The following ZC4H2 variants were observed in gnomAD, a reference collection of about 807,000 sequenced individuals.
ZC4H2 encodes zinc finger C4H2 domain-containing protein.
For synonymous variants in ZC4H2, 84 were observed against 66.3 expected (o/e 1.27, Z -1.30); for missense variants, 137 against 173.9 (o/e 0.79, Z 1.19).
At chrX:64,975,073 A>G (rs1931901086) in intron 1 of ZC4H2, among the ~76,000 whole-genome samples, 1 of 109,796 alleles carries the variant, frequency 9.1e-6, no homozygotes, top group Admixed American at 9.7e-5. Flanking sequence ...TTGCAGGCAG[A>G]CCAACAAAAT....
At chrX:64,977,097 G>A (rs1931975530), upstream of ZC4H2, among the ~76,000 whole-genome samples, 1 of 111,921 alleles carries the variant, frequency 8.9e-6, no homozygotes, top group South Asian at 3.8e-4. Flanking sequence ...GGGCAAGGCA[G>A]ATAAATAAAA....
intron 1 of ZC4H2, among the ~76,000 whole-genome samples, chrX:64,985,291 T>G (rs1304124017): frequency 8.9e-6 from 1 of 112,084 alleles, no homozygotes; most frequent in African/African-American, 3.2e-5. Context: ...TCCATAGAGG[T>G]TGAACTAATT....
intron 1 of ZC4H2, among the ~76,000 whole-genome samples, chrX:65,000,948 A>C (rs1390130599): frequency 8.9e-6 from 1 of 111,757 alleles, no homozygotes; most frequent in African/African-American, 3.3e-5. Flanking sequence ...AAAAGACCAA[A>C]CTTATATTTG....
In ZC4H2 at chrX:65,032,816, C is replaced by T. The variant is rs764453129; in HGVS notation, c.-272+1813G>A. ...TTTGGGGGACGGAGTCTTGTTGTGTCGCCTAGATGGAGTGCAATGGTGCCA... is the reference window on the plus strand; with the variant it reads ...TTTGGGGGACGGAGTCTTGTTGTGTTGCCTAGATGGAGTGCAATGGTGCCA... On this transcript the variant is annotated intron_variant, in intron 1 of 4. Coordinates refer to the ZC4H2 transcript ENST00000337990. Among the ~76,000 whole-genome samples the T allele has an allele frequency of 4.8e-5, 5 of 105,263 alleles. 1 individual carries two copies. In the East Asian group the frequency reaches 1.5e-3, roughly 31 times the overall value. The allele number at this position is 105,263 out of a possible 115,157, so 91.4% of individuals were successfully genotyped here.
At chrX:65,032,665 G>T (rs1270550622) in intron 1 of ZC4H2, among the ~76,000 whole-genome samples, 1 of 110,630 alleles carries the variant, frequency 9.0e-6, no homozygotes. Flanking sequence ...GTACTTTTTG[G>T]CTGGTCTGTA....
chrX:64,938,678 CA>C (rs1388583906), intron 1 of ZC4H2, among the ~76,000 whole-genome samples: 3 of 111,695 alleles, frequency 2.7e-5, no homozygotes, highest in Admixed American at 9.5e-5. Context: ...TAACCAATGA[CA>C]AAAAAGTCAC....
chrX:65,024,348 T>G (rs958756980), intron 1 of ZC4H2, among the ~76,000 whole-genome samples: 3 of 111,499 alleles, frequency 2.7e-5, no homozygotes, highest in African/African-American at 9.8e-5. Context: ...ATGGCTATTA[T>G]TAAAGTCAAA....
At chrX:64,926,692 C>A (rs754812879) in intron 1 of ZC4H2, among the ~76,000 whole-genome samples, 1 of 112,256 alleles carries the variant, frequency 8.9e-6, no homozygotes, top group African/African-American at 3.2e-5. Flanking sequence ...CTGCTCATGT[C>A]TTTGGTTCAT....
intron 1 of ZC4H2, among the ~76,000 whole-genome samples, chrX:64,925,616 G>T (rs777854309): frequency 8.9e-6 from 1 of 111,760 alleles, no homozygotes; most frequent in Non-Finnish European, 1.9e-5. Flanking sequence ...GCTTGGATGA[G>T]TCCCTTTTAT....
chrX:64,929,359 T>C (rs1929633734), intron 1 of ZC4H2, among the ~76,000 whole-genome samples: 1 of 111,999 alleles, frequency 8.9e-6, no homozygotes, highest in Admixed American at 9.5e-5. Flanking sequence ...GTACAGAAGA[T>C]TTTTAGTTTA....
chrX:65,004,081 T>G (rs1468949896), intron 1 of ZC4H2, among the ~76,000 whole-genome samples: 1 of 111,349 alleles, frequency 9.0e-6, no homozygotes, highest in African/African-American at 3.3e-5. Flanking sequence ...GTTCTGAAAT[T>G]GAGGCAGTAA....
At chrX:64,953,302 A>C (rs569939717) in intron 1 of ZC4H2, among the ~76,000 whole-genome samples, 3 of 112,364 alleles carry the variant, frequency 2.7e-5, no homozygotes, top group East Asian at 5.6e-4. Context: ...AATGGCAACA[A>C]AAGCCGAAAT....
At chrX:64,935,151 G>A (rs991729642) in intron 1 of ZC4H2, among the ~76,000 whole-genome samples, 3 of 111,220 alleles carry the variant, frequency 2.7e-5, no homozygotes, top group Non-Finnish European at 3.8e-5. Context: ...GAGGAGGGGC[G>A]TCCGCCATTT....
chrX:65,018,165 C>A (rs1932809808), intron 1 of ZC4H2, among the ~76,000 whole-genome samples: 1 of 112,543 alleles, frequency 8.9e-6, no homozygotes. Context: ...GGGCAAAATA[C>A]ATGAACAGAC....
chrX:64,974,052 A>T (rs1289240401), intron 1 of ZC4H2, among the ~76,000 whole-genome samples: 1 of 111,607 alleles, frequency 9.0e-6, no homozygotes, highest in African/African-American at 3.3e-5. Flanking sequence ...TTTTCCCAAT[A>T]CTTTTCCAAT....
At chrX:65,010,074 C>T (rs1003429270) in intron 1 of ZC4H2, among the ~76,000 whole-genome samples, 12 of 112,323 alleles carry the variant, frequency 1.1e-4, no homozygotes, top group African/African-American at 3.9e-4. Flanking sequence ...ATCTATTAGC[C>T]TAAACTAATG....
chrX:64,989,401 G>A (rs1240893421), intron 1 of ZC4H2, among the ~76,000 whole-genome samples: 1 of 111,699 alleles, frequency 9.0e-6, no homozygotes, highest in Non-Finnish European at 1.9e-5. Context: ...TCATTGAGCA[G>A]TGGTTTGTAG....
intron 1 of ZC4H2, among the ~76,000 whole-genome samples, chrX:64,946,093 C>G (rs897313471): frequency 6.3e-5 from 7 of 110,324 alleles, no homozygotes; most frequent in African/African-American, 2.3e-4. Context: ...GTGAACAGTT[C>G]TCTCTCGCTT....
chrX:64,949,115 A>C (rs1305514095), intron 1 of ZC4H2, among the ~76,000 whole-genome samples: 1 of 111,897 alleles, frequency 8.9e-6, no homozygotes, highest in African/African-American at 3.2e-5. Flanking sequence ...ATTAAGATTG[A>C]ATCAATTTGT....
Sources: allele counts gnomAD v4.1 joint callset (sites outside exome capture counted in the v4.1 genomes callset), GRCh38; gene constraint gnomAD v4.1.1; transcripts MANE v1.5; gene names NCBI Gene and HGNC (gene_info 2026-07-23, HGNC 2026-07-21).